LBX2: variants seen among roughly 807,000 people sequenced by gnomAD.
LBX2 encodes ladybird homeobox 2, also known as transcription factor LBX2.
LBX2 carries 6 observed loss-of-function variants against 7.5 expected under a neutral mutation model. The ratio of observed to expected loss-of-function variants is 0.80; its 90% CI spans 0.44 to 1.59. The LOEUF is 1.59. LBX2 is among the 40% of genes most tolerant of loss of function. LBX2 has a pLI of 0.01. For missense variants in LBX2, 281 were observed against 282.0 expected (o/e 1.00, Z 0.03); for synonymous variants, 143 against 133.2 (o/e 1.07, Z -0.51).
rs1248464251 is a variant in LBX2 at position 74,499,508 on chromosome 2, G to A, written c.30C>T (p.Pro10=). The A allele has an allele frequency of 6.5e-7, 1 of 1,549,542 alleles. No individual in the cohort carries two copies. Among genetic ancestry groups the A allele is most frequent in the Non-Finnish European group, 8.7e-7 (1 of 1,146,474 alleles). MNSGREPRT[P]RTLLSIADIL... Reference sequence around the variant, plus strand: ...TGTCTGCGATGCTTAAGAGTGTCCGGGGTGTTCGGGGCTCGCGTCCCGAGT... The same window carrying A: ...TGTCTGCGATGCTTAAGAGTGTCCGAGGTGTTCGGGGCTCGCGTCCCGAGT... The change falls in exon 1 of 2, where the codon CCC becomes CCT. Residue 10 remains proline, a synonymous_variant. Transcript: ENST00000377566. This position sits in a 1 kb window ranked among gnomAD's most constrained non-coding sequence, Gnocchi z 4.6.
intron 1 of LBX2, 27 bp from the exon 2 acceptor site, chr2:74,498,345 T>A (rs1408088536): frequency 6.8e-7 from 1 of 1,473,802 alleles, no homozygotes; most frequent in Non-Finnish European, 9.0e-7. Flanking sequence ...GGGGTCAGTT[T>A]CCAGCCTCCG....
At chr2:74,502,709 C>T (rs762300955), upstream of LBX2, 13 of 1,614,214 alleles carry the variant, frequency 8.1e-6, no homozygotes, top group South Asian at 1.4e-4. The surrounding 1 kb of genome is among the most constrained non-coding windows in gnomAD (Gnocchi z 5.4). Context: ...GCCCTGGACG[C>T]TGTTTTGCAA....
chr2:74,502,645 C>G, upstream of LBX2: 3 of 1,611,694 alleles, frequency 1.9e-6, no homozygotes, highest in Non-Finnish European at 2.5e-6. The surrounding 1 kb of genome is among the most constrained non-coding windows in gnomAD (Gnocchi z 5.4). Flanking sequence ...GTGAACCGGT[C>G]CTTATATCTT....
chr2:74,499,658 G>T, upstream of LBX2: 1 of 1,076,460 alleles, frequency 9.3e-7, no homozygotes, highest in South Asian at 1.6e-5. This position sits in a 1 kb window ranked among gnomAD's most constrained non-coding sequence, Gnocchi z 4.6. Flanking sequence ...CTCTGGGCCC[G>T]AGTCCCGTGT....
intron 1 of LBX2, 152 bp from the exon 2 acceptor site, chr2:74,498,470 C>A (rs563265991): frequency 5.0e-5 from 34 of 680,928 alleles, no homozygotes; most frequent in Non-Finnish European, 7.0e-5. Context: ...GATCCCTTAT[C>A]GGGAGTCAGG....
intron 1 of LBX2, chr2:74,498,668 G>A (rs1674414224): frequency 6.3e-6 from 2 of 316,056 alleles, no homozygotes. Flanking sequence ...TATAAGTTGA[G>A]GGTGACATCA....
chr2:74,498,631 C>T, intron 1 of LBX2: 1 of 401,444 alleles, frequency 2.5e-6, no homozygotes, highest in Non-Finnish European at 4.5e-6. Flanking sequence ...GCCTTTGAGG[C>T]TTTTAGGAGC....
At chr2:74,502,969 G>A, upstream of LBX2, 1 of 936,358 alleles carries the variant, frequency 1.1e-6, no homozygotes, top group Non-Finnish European at 1.6e-6. This position sits in a 1 kb window ranked among gnomAD's most constrained non-coding sequence, Gnocchi z 5.4. Flanking sequence ...CCTGGAAATG[G>A]CGGGGGTGAG....
chr2:74,499,285 GGT>G lies in LBX2; in HGVS notation c.205+46_205+47del. On this transcript the variant is annotated intron_variant, in intron 1 of 1. Coordinates refer to ENST00000377566, the MANE Select transcript of LBX2 (RefSeq NM_001282430.2). This position sits in a 1 kb window ranked among gnomAD's most constrained non-coding sequence, Gnocchi z 4.6. ...TGAGACGGGGAACCAGGAGGAGAGA[GGT>G]GAGGAAAAGGCTAAGTCAGAGTCCG... The G allele has an allele frequency of 6.8e-7, 1 of 1,467,868 alleles. No individual in the cohort carries two copies. The highest frequency in any genetic ancestry group is 1.2e-5 in the South Asian group (1 of 82,330). The allele number at this position is 1,467,868 out of a possible 1,614,324, so 90.9% of individuals were successfully genotyped here.
At chr2:74,503,203 A>C (rs1674536976), upstream of LBX2, 1 of 252,114 alleles carries the variant, frequency 4.0e-6, no homozygotes, top group African/African-American at 2.3e-5. This position sits in a 1 kb window ranked among gnomAD's most constrained non-coding sequence, Gnocchi z 5.1. Context: ...GCACAGACGG[A>C]GACCCGAGTG....
upstream of LBX2, among the ~76,000 whole-genome samples, chr2:74,501,010 T>C (rs541683963): frequency 2.6e-5 from 4 of 152,090 alleles, no homozygotes; most frequent in Non-Finnish European, 5.9e-5. Flanking sequence ...GCAATTGGGG[T>C]TCCCTAAACA....
At chr2:74,502,598 T>C, upstream of LBX2, 2 of 1,509,872 alleles carry the variant, frequency 1.3e-6, no homozygotes, top group Non-Finnish European at 1.8e-6. This position sits in a 1 kb window ranked among gnomAD's most constrained non-coding sequence, Gnocchi z 5.4. Flanking sequence ...CGCACACTTC[T>C]GGGATTGTTT....
chr2:74,502,539 G>C, upstream of LBX2: 1 of 944,462 alleles, frequency 1.1e-6, no homozygotes, highest in Non-Finnish European at 1.6e-6. This position sits in a 1 kb window ranked among gnomAD's most constrained non-coding sequence, Gnocchi z 5.4. Flanking sequence ...TGGGAGTTCA[G>C]GGAGCAAAGT....
In LBX2 at chr2:74,499,549, C is replaced by T. The variant is rs1674441112; in HGVS notation, c.-12G>A. Reference sequence around the variant, plus strand: ...CGTCCCGAGTTCATGGTCGGCCGGGCTGGGGCGGTCCGGCTGTCCGTTGCG... The same window carrying T: ...CGTCCCGAGTTCATGGTCGGCCGGGTTGGGGCGGTCCGGCTGTCCGTTGCG... On this transcript the variant is annotated 5_prime_UTR_variant, in exon 1 of 2. Coordinates refer to ENST00000377566, the MANE Select transcript of LBX2 (RefSeq NM_001282430.2). The surrounding 1 kb of genome is among the most constrained non-coding windows in gnomAD (Gnocchi z 4.6). The T allele has an allele frequency of 6.5e-7, 1 of 1,543,150 alleles. No homozygotes were observed. The highest frequency in any genetic ancestry group is 8.8e-7 in the Non-Finnish European group (1 of 1,142,262).
At chr2:74,500,725 C>T (rs1001334672), upstream of LBX2, among the ~76,000 whole-genome samples, 2 of 152,170 alleles carry the variant, frequency 1.3e-5, no homozygotes, top group African/African-American at 2.4e-5. Context: ...CAGTTGAGGC[C>T]CAGCAGGGTA....
upstream of LBX2, chr2:74,502,532 G>A: frequency 1.2e-6 from 1 of 832,060 alleles, no homozygotes; most frequent in Non-Finnish European, 1.9e-6. The surrounding 1 kb of genome is among the most constrained non-coding windows in gnomAD (Gnocchi z 5.4). Context: ...AGGGCAGTGG[G>A]AGTTCAGGGA....
chr2:74,498,306 G>C lies in LBX2; in HGVS notation c.218C>G (p.Pro73Arg), dbSNP rs1285470585. The change falls in exon 2 of 2, where the codon CCG (proline) becomes CGG (arginine). Residue 73 changes from proline (P) to arginine (R), a missense_variant. By Grantham distance (103) the Pro-to-Arg change is moderately radical (BLOSUM62 -2). This residue lies in a region of LBX2 where 216 missense variants were observed against 208.7 expected (regional missense o/e 1.03). Transcript: ENST00000377566. ...GAAGGGACCAGGGCCCAGCGCGTCC[G>C]GACCTGCCCGCCCTGTAGGGATAGG... ...ALQPSEGRAG[P>R]DALGPGPFGR... The C allele has an allele frequency of 1.9e-6, 3 of 1,544,742 alleles. No individual in the cohort carries two copies. In the African/African-American group the frequency reaches 4.1e-5, roughly 21 times the overall value.
In LBX2 at chr2:74,498,269, C is replaced by A; in HGVS notation, c.255G>T (p.Arg85=). The change falls in exon 2 of 2, where the codon CGG becomes CGT. Residue 85 remains arginine (R), a synonymous_variant. Transcript: ENST00000377566. ...ALGPGPFGRK[R]RKSRTAFTAQ... ...CGGTGAACGCAGTGCGTGACTTGCG[C>A]CGTTTGCGGCCGAAGGGACCAGGGC... 6.3e-7 allele frequency: 1 copy of A among 1,586,170 alleles called. No homozygotes were observed. The highest frequency in any genetic ancestry group is 8.5e-7 in the Non-Finnish European group (1 of 1,170,028).
intron 1 of LBX2, 46 bp from the exon 2 acceptor site, chr2:74,498,364 G>A (rs762911763): frequency 1.4e-6 from 2 of 1,444,172 alleles, no homozygotes; most frequent in African/African-American, 1.4e-5. Context: ...CGGGAATCAG[G>A]CTGGGCCTGG....
Sources: gnomAD v4.1 joint callset for allele counts (sites outside exome capture counted in the v4.1 genomes callset) on GRCh38, gnomAD v4.1.1 for gene constraint, gnomAD v4.1.1 regional missense constraint, Gnocchi (gnomAD v3.1) non-coding constraint, MANE v1.5 for transcripts, NCBI Gene and HGNC (gene_info 2026-07-23, HGNC 2026-07-21) for gene names.